BCL2L13: variants seen among roughly 807,000 people sequenced by gnomAD.
BCL2L13 encodes bcl-2-like protein 13.
A neutral mutation model predicts 25.8 loss-of-function variants in BCL2L13; 13 were observed. The ratio of observed to expected loss-of-function variants is 0.50; its 90% confidence interval spans 0.33 to 0.80. The LOEUF is 0.80. BCL2L13 is among the 30% of genes least tolerant of loss of function. BCL2L13 has a pLI of 0.02. For synonymous variants in BCL2L13, 244 were observed against 230.3 expected, an observed-to-expected ratio of 1.06 and a Z score of -0.54; for missense variants, 504 against 574.9, an observed-to-expected ratio of 0.88 and a Z score of 1.26.
At chr22:17,631,242 G>A (rs543532615) in intron 1 of BCL2L13, among the ~76,000 whole-genome samples, 22 of 151,254 alleles carry the variant, frequency 1.5e-4, no homozygotes, top group Non-Finnish European at 2.7e-4. Flanking sequence ...GATTACAAGC[G>A]CCCGCCACCA....
chr22:17,637,626 C>G (rs553366028), upstream of BCL2L13, among the ~76,000 whole-genome samples: 96 of 152,072 alleles, frequency 6.3e-4, 2 homozygotes, highest in South Asian at 0.02. Context: ...GATCCGCCCA[C>G]CTTGGCTTCT....
At chr22:17,701,183 G>A (rs2060422819) in intron 5 of BCL2L13, among the ~76,000 whole-genome samples, 1 of 151,990 alleles carries the variant, frequency 6.6e-6, no homozygotes, top group African/African-American at 2.4e-5. Flanking sequence ...TGGTTATTAG[G>A]TATAGATTGT....
At position 17,721,061 on chromosome 22, in the gene BCL2L13, G is replaced by C. The variant is rs574240308; in HGVS notation, c.601-5616G>C. Among the ~76,000 whole-genome samples, 3 of 151,416 alleles carry C rather than the reference G, an allele frequency of 2.0e-5. No homozygotes were observed. The South Asian group carries it at 6.2e-4, about 31-fold the overall frequency. On this transcript the variant is annotated intron_variant, in intron 6 of 6. Coordinates refer to ENST00000317582, the MANE Select transcript of BCL2L13 (RefSeq NM_015367.4). ...GGGCGCCTGTAGTCCCAGCTACTCG[G>C]GGGGAGGCTGAGGCAGGAGAATGGC...
At chr22:17,651,163 CT>C (rs1217505031) in intron 1 of BCL2L13, among the ~76,000 whole-genome samples, 1 of 151,782 alleles carries the variant, frequency 6.6e-6, no homozygotes, top group Non-Finnish European at 1.5e-5. Context: ...CCATGCCCAG[CT>C]AATTTTTGTA....
chr22:17,712,517 T>C (rs1408166432), intron 6 of BCL2L13, among the ~76,000 whole-genome samples: 1 of 152,248 alleles, frequency 6.6e-6, no homozygotes, highest in Admixed American at 6.5e-5. Flanking sequence ...AAAATTACTC[T>C]GTACCTGAGC....
At chr22:17,684,916 T>G (rs2059872312) in intron 3 of BCL2L13, among the ~76,000 whole-genome samples, 3 of 152,088 alleles carry the variant, frequency 2.0e-5, no homozygotes, top group African/African-American at 7.2e-5. Flanking sequence ...GTATTTTTAG[T>G]AGAGACGGGG....
At chr22:17,653,191 G>A (rs1161058950) in intron 1 of BCL2L13, among the ~76,000 whole-genome samples, 1 of 152,072 alleles carries the variant, frequency 6.6e-6, no homozygotes, top group Non-Finnish European at 1.5e-5. Flanking sequence ...TTAAGTCGGG[G>A]ACTGTCTGTA....
At chr22:17,670,192 T>C (rs573311243) in intron 2 of BCL2L13, among the ~76,000 whole-genome samples, 77 of 152,294 alleles carry the variant, frequency 5.1e-4, no homozygotes, top group African/African-American at 1.9e-3. Flanking sequence ...AATTATGAAG[T>C]GTGAGCCCTT....
chr22:17,631,547 T>C (rs2058013177), intron 1 of BCL2L13, among the ~76,000 whole-genome samples: 2 of 150,428 alleles, frequency 1.3e-5, no homozygotes, highest in East Asian at 3.9e-4. Context: ...TTTTTAAAAT[T>C]GAGACAGAGT....
intron 2 of BCL2L13, among the ~76,000 whole-genome samples, chr22:17,678,123 A>G (rs760163861): frequency 6.6e-6 from 1 of 152,130 alleles, no homozygotes; most frequent in Non-Finnish European, 1.5e-5. Context: ...CCCAGGCTCA[A>G]GTGATCTTCA....
At chr22:17,708,485 T>C (rs1269483614) in intron 6 of BCL2L13, among the ~76,000 whole-genome samples, 1 of 152,220 alleles carries the variant, frequency 6.6e-6, no homozygotes, top group Non-Finnish European at 1.5e-5. Flanking sequence ...CATAGCATTG[T>C]TGTGAGGTTT....
At chr22:17,638,527 C>G (rs2058151363), upstream of BCL2L13, 1 of 499,730 alleles carries the variant, frequency 2.0e-6, no homozygotes, top group Non-Finnish European at 3.1e-6. Context: ...ACCAGCCGGT[C>G]AGAATCCCAA....
chr22:17,720,685 A>G (rs1253979419), intron 6 of BCL2L13, among the ~76,000 whole-genome samples: 1 of 138,600 alleles, frequency 7.2e-6, no homozygotes, highest in African/African-American at 2.7e-5. Flanking sequence ...TTTTTTTTTT[A>G]GAGGCGGGAT....
chr22:17,631,662 GTGTGTGTGTA>G (rs1250823079), intron 1 of BCL2L13, among the ~76,000 whole-genome samples: 517 of 32,110 alleles, frequency 0.016, 50 homozygotes, highest in African/African-American at 0.069. Context: ...GTATGTATGT[GTGTGTGTGTA>G]TATATATATA....
At chr22:17,632,488 GGA>G (rs1453067231) in intron 1 of BCL2L13, among the ~76,000 whole-genome samples, 3 of 152,070 alleles carry the variant, frequency 2.0e-5, no homozygotes, top group African/African-American at 4.8e-5. Context: ...ACAGATTGCA[GGA>G]GTATGGAATA....
chr22:17,687,398 G>A (rs897409248), intron 3 of BCL2L13, among the ~76,000 whole-genome samples: 4 of 152,128 alleles, frequency 2.6e-5, no homozygotes, highest in East Asian at 3.8e-4. Flanking sequence ...TTGGAGTGTA[G>A]TGTCATGATC....
chr22:17,720,154 T>TTTTCTTTTTCTTTCTTTC (rs1555897235), intron 6 of BCL2L13, among the ~76,000 whole-genome samples: 1 of 141,736 alleles, frequency 7.1e-6, no homozygotes, highest in Non-Finnish European at 1.5e-5. Flanking sequence ...GTGGGTTTCA[T>TTTTCTTTTTCTTTCTTTC]TTTCTTTCTT....
intron 1 of BCL2L13, among the ~76,000 whole-genome samples, chr22:17,642,260 C>G (rs75484700): frequency 6.6e-6 from 1 of 150,514 alleles, no homozygotes; most frequent in East Asian, 2.0e-4. Flanking sequence ...GAGACTGTAA[C>G]TCAGTCTCAG....
intron 1 of BCL2L13, 70 bp downstream of exon 1, chr22:17,638,956 C>T (rs1368373234): frequency 1.3e-5 from 15 of 1,174,460 alleles, no homozygotes; most frequent in African/African-American, 3.2e-5. Flanking sequence ...TAGGAAAGTG[C>T]CCAGAGACCG....
Sources: allele counts gnomAD v4.1 joint callset (sites outside exome capture counted in the v4.1 genomes callset), GRCh38; gene constraint gnomAD v4.1.1; transcripts MANE v1.5; gene names NCBI Gene and HGNC (gene_info 2026-07-23, HGNC 2026-07-21).